The following FNIP2 variants were observed in gnomAD, a reference collection of about 807,000 sequenced individuals.
FNIP2 encodes folliculin-interacting protein 2.
FNIP2 carries 32 observed loss-of-function variants against 108.7 expected under a neutral mutation model. The ratio of observed to expected loss-of-function variants is 0.29; its 90% CI spans 0.22 to 0.40. FNIP2 has a LOEUF of 0.40. Ranked by LOEUF, FNIP2 falls within the 10% of genes least tolerant of loss-of-function variation. The pLI is 1.00. For missense variants in FNIP2, 1,202 were observed against 1,381.6 expected (o/e 0.87, Z 2.06); for synonymous variants, 480 against 496.7 (o/e 0.97, Z 0.45).
At chr4:158,818,481 C>A (rs954698071) in intron 1 of FNIP2, among the ~76,000 whole-genome samples, 8 of 152,176 alleles carry the variant, frequency 5.3e-5, no homozygotes, top group African/African-American at 1.9e-4. Context: ...TCTGGAAAAT[C>A]TTTTGGAATT....
At chr4:158,774,064 A>G (rs1037148739) in intron 1 of FNIP2, among the ~76,000 whole-genome samples, 5 of 152,240 alleles carry the variant, frequency 3.3e-5, no homozygotes, top group Non-Finnish European at 7.3e-5. Flanking sequence ...AGCAACTCTA[A>G]TAGCCTGACT....
At chr4:158,806,368 A>T (rs1398605496) in intron 1 of FNIP2, 1 of 1,289,408 alleles carries the variant, frequency 7.8e-7, no homozygotes, top group Admixed American at 2.3e-5. Flanking sequence ...ATGCACAAAG[A>T]TTAAAAAACA....
At chr4:158,883,391 G>A (rs960155429) in intron 14 of FNIP2, among the ~76,000 whole-genome samples, 14 of 152,086 alleles carry the variant, frequency 9.2e-5, no homozygotes, top group East Asian at 1.9e-4. Context: ...ACAGGCGCCC[G>A]CCACTATGCC....
intron 1 of FNIP2, among the ~76,000 whole-genome samples, chr4:158,790,437 T>G (rs1388868240): frequency 2.0e-5 from 3 of 152,008 alleles, no homozygotes; most frequent in Admixed American, 2.0e-4. Flanking sequence ...TACCAAAAAA[T>G]AGGCACAAGG....
intron 1 of FNIP2, among the ~76,000 whole-genome samples, chr4:158,818,353 T>C (rs1472371107): frequency 6.6e-6 from 1 of 152,250 alleles, no homozygotes; most frequent in Non-Finnish European, 1.5e-5. Flanking sequence ...AGATCAGTTA[T>C]ATTCAGGAAA....
chr4:158,892,377 C>T (rs555919855), intron 15 of FNIP2, among the ~76,000 whole-genome samples: 1 of 152,102 alleles, frequency 6.6e-6, no homozygotes, highest in African/African-American at 2.4e-5. Context: ...TCAAGCAATC[C>T]GCTTCTTTCC....
chr4:158,777,056 T>A (rs1560748266), intron 1 of FNIP2, among the ~76,000 whole-genome samples: 1 of 152,132 alleles, frequency 6.6e-6, no homozygotes, highest in African/African-American at 2.4e-5. Flanking sequence ...AAAAAAACCT[T>A]TAAGAAGACA....
Position 158,792,482 on chromosome 4 carries a change from A to G in FNIP2, c.107+23163A>G, listed in dbSNP as rs138963605. Among the ~76,000 whole-genome samples, 199 of 152,144 alleles carry G rather than the reference A, an allele frequency of 1.3e-3. 1 individual carries two copies. In the Middle Eastern group the frequency reaches 0.031, roughly 23 times the overall value. On this transcript the variant is annotated intron_variant, in intron 1 of 16. Transcript: ENST00000264433. ...TGTAAGAAGCTGTGATGTGCGTTAC[A>G]AAGACAGTGTCTTTAGGTAAGCTTT...
rs1475580972 is a variant in FNIP2 at position 158,806,336 on chromosome 4, G to T, written c.108-19580G>T. The T allele has an allele frequency of 5.4e-6, 7 of 1,289,268 alleles. No homozygotes were observed. The African/African-American group carries it at 1.1e-4, about 20-fold the overall frequency. 79.9% of individuals were successfully genotyped at this position (1,289,268 alleles called of 1,614,324 possible). On this transcript the variant is annotated intron_variant, in intron 1 of 16. Transcript: ENST00000264433. The stretch of plus-strand genomic sequence containing the variant: ...GTGAGTGATGCTGTTCCTGGTGCTG[G>T]GAGGATTTACAGGGCGCTTTTATGC...
intron 8 of FNIP2, among the ~76,000 whole-genome samples, chr4:158,855,540 C>T (rs1198437970): frequency 3.9e-5 from 6 of 152,206 alleles, no homozygotes; most frequent in Non-Finnish European, 5.9e-5. Context: ...CTCTGCTTCC[C>T]GGGTTCAAGC....
intron 7 of FNIP2, among the ~76,000 whole-genome samples, chr4:158,842,918 T>C (rs1395405772): frequency 6.6e-6 from 1 of 152,194 alleles, no homozygotes; most frequent in Non-Finnish European, 1.5e-5. Flanking sequence ...AATTTGATTT[T>C]CCTATTAACA....
intron 14 of FNIP2, among the ~76,000 whole-genome samples, chr4:158,871,039 T>C (rs1780918559): frequency 6.6e-6 from 1 of 152,240 alleles, no homozygotes; most frequent in African/African-American, 2.4e-5. Context: ...AGGTGTCACA[T>C]GTGGTTTGTT....
chr4:158,769,323 A>AG lies in FNIP2; in HGVS notation c.107+9dup. On this transcript the variant is annotated splice_donor_region_variant and intron_variant, in intron 1 of 16. Coordinates refer to ENST00000264433, the MANE Select transcript of FNIP2 (RefSeq NM_020840.3). Reference sequence around the variant, plus strand: ...CTAAGGAAGGACCCGCCTTTAGGTGAGGGGGCGCCGGGGGGCAATTCTGGC... The same window carrying AG: ...CTAAGGAAGGACCCGCCTTTAGGTGAGGGGGGCGCCGGGGGGCAATTCTGGC... The AG allele has an allele frequency of 6.7e-7, 1 of 1,485,614 alleles. No homozygotes were observed. The allele number at this position is 1,485,614 out of a possible 1,614,324, so 92.0% of individuals were successfully genotyped here. A position where few individuals can be genotyped will look rare whatever the true frequency, so the allele number is the denominator to read the frequency against.
At chr4:158,885,049 G>A (rs938027899) in intron 14 of FNIP2, among the ~76,000 whole-genome samples, 13 of 152,018 alleles carry the variant, frequency 8.6e-5, no homozygotes, top group Middle Eastern at 3.4e-3. Context: ...CCAGCTACTC[G>A]GGAGGCTGAG....
chr4:158,902,375 C>A (rs934829851), intron 16 of FNIP2, among the ~76,000 whole-genome samples: 2 of 152,160 alleles, frequency 1.3e-5, no homozygotes, highest in African/African-American at 4.8e-5. Context: ...CCCAGAGGGG[C>A]ACCCACCAGA....
At chr4:158,796,392 A>G (rs1776592095) in intron 1 of FNIP2, among the ~76,000 whole-genome samples, 1 of 140,320 alleles carries the variant, frequency 7.1e-6, no homozygotes, top group African/African-American at 2.5e-5. Context: ...CTGTTGTGCT[A>G]ATTTGTTCTA....
At chr4:158,885,096 C>T (rs780386134) in intron 14 of FNIP2, among the ~76,000 whole-genome samples, 1 of 152,040 alleles carries the variant, frequency 6.6e-6, no homozygotes, top group Non-Finnish European at 1.5e-5. Context: ...GCAGAGGTTG[C>T]AGTGAGCCGA....
At chr4:158,769,457 G>T (rs1775619348) in intron 1 of FNIP2, 138 bp downstream of exon 1, 1 of 472,480 alleles carries the variant, frequency 2.1e-6, no homozygotes, top group Non-Finnish European at 3.5e-6. Context: ...TCCCGGGCTT[G>T]TCAGCGTGGA....
At chr4:158,830,779 G>A (rs1293447098) in intron 3 of FNIP2, among the ~76,000 whole-genome samples, 2 of 152,166 alleles carry the variant, frequency 1.3e-5, no homozygotes, top group Non-Finnish European at 2.9e-5. Flanking sequence ...CAGAACCATG[G>A]TTGCTTTGGT....
Sources: gnomAD v4.1 joint callset for allele counts (sites outside exome capture counted in the v4.1 genomes callset) on GRCh38, gnomAD v4.1.1 for gene constraint, MANE v1.5 for transcripts, NCBI Gene and HGNC (gene_info 2026-07-23, HGNC 2026-07-21) for gene names.